Variants in PDE3B observed in about 807,000 individuals in gnomAD.
PDE3B encodes cGMP-inhibited 3',5'-cyclic phosphodiesterase 3B.
A neutral mutation model predicts 116.8 loss-of-function variants in PDE3B; 66 were observed. That is an observed-to-expected ratio of 0.56 (90% confidence interval 0.46 to 0.69). The LOEUF is 0.69. Among genes scored for constraint, PDE3B ranks in the 30% least tolerant of loss-of-function variants. The pLI is 0.00. For synonymous variants in PDE3B, 595 were observed against 533.6 expected, an observed-to-expected ratio of 1.12 and a Z score of -1.59; for missense variants, 1,384 against 1,368.1, an observed-to-expected ratio of 1.01 and a Z score of -0.18.
the PDE3B span, chr11:14,892,333 A>C: frequency 1.1e-6 from 1 of 891,680 alleles, no homozygotes; most frequent in East Asian, 2.6e-5. Flanking sequence ...TGGCTGACTG[A>C]GTGAGCGCTC....
chr11:14,721,406 C>G (rs1385939489), intron 1 of PDE3B, among the ~76,000 whole-genome samples: 1 of 150,842 alleles, frequency 6.6e-6, no homozygotes. Context: ...CCATTTGACC[C>G]AGCCATCCCA....
At chr11:14,760,032 A>G (rs1425040652) in intron 1 of PDE3B, among the ~76,000 whole-genome samples, 1 of 152,214 alleles carries the variant, frequency 6.6e-6, no homozygotes, top group African/African-American at 2.4e-5. Flanking sequence ...CAACCTAAAA[A>G]TAAATTGTGA....
Position 14,789,193 on chromosome 11 carries a change from T to C in PDE3B, c.1366T>C (p.Trp456Arg), listed in dbSNP as rs755453338. Residue 456 changes from tryptophan to arginine, a missense_variant, in exon 4 of 16, where the codon TGG becomes CGG. Physicochemically the swap from Trp to Arg is moderately radical, Grantham distance 101. Around this residue, in one of 2 missense-constraint regions of PDE3B, gnomAD observed 956 missense variants for 806.8 expected, o/e 1.18. Coordinates refer to ENST00000282096, the MANE Select transcript of PDE3B (RefSeq NM_000922.4). The stretch of plus-strand genomic sequence containing the variant: ...GCTACCTGTTGAACAGTCTTCAAGG[T>C]GGGATCGTAATAATGGCAAAAGACC... ...GLLPVEQSSR[W>R]DRNNGKRPHQ... 1 of 1,610,750 alleles carries C rather than the reference T, an allele frequency of 6.2e-7. No individual in the cohort carries two copies. The highest frequency in any genetic ancestry group is 8.5e-7 in the Non-Finnish European group (1 of 1,177,790).
intron 2 of PDE3B, chr11:14,775,239 A>G (rs1857752058): frequency 6.6e-6 from 1 of 152,044 alleles, no homozygotes; most frequent in African/African-American, 2.4e-5. Flanking sequence ...CCTGTTTTTC[A>G]TTGCTTTCTT....
the PDE3B span, chr11:14,880,122 A>G: frequency 6.2e-7 from 1 of 1,612,212 alleles, no homozygotes; most frequent in Non-Finnish European, 8.5e-7. Flanking sequence ...TGAGATCATC[A>G]AGAGAATCCT....
In PDE3B at chr11:14,869,446, T is replaced by G; in HGVS notation, c.3140-15T>G. On this transcript the variant is annotated splice_polypyrimidine_tract_variant and intron_variant, in intron 15 of 15. Coordinates refer to ENST00000282096, the MANE Select transcript of PDE3B (RefSeq NM_000922.4). ...TATTGCTATGATTAGAATATATTTA[T>G]TTTAAATTTCACAGAACCACCAAGA... 1 of 1,600,960 alleles carries G rather than the reference T, an allele frequency of 6.2e-7. No individual in the cohort carries two copies. The highest frequency in any genetic ancestry group is 8.5e-7 in the Non-Finnish European group (1 of 1,173,698).
At chr11:14,843,568 G>A (rs918076676) in intron 11 of PDE3B, among the ~76,000 whole-genome samples, 2 of 152,120 alleles carry the variant, frequency 1.3e-5, no homozygotes, top group Non-Finnish European at 2.9e-5. Context: ...TTATTTGCCT[G>A]AGTAAGCATC....
chr11:14,748,890 C>A (rs1161674072), intron 1 of PDE3B, among the ~76,000 whole-genome samples: 1 of 137,646 alleles, frequency 7.3e-6, no homozygotes. Context: ...TCTTTTCTTT[C>A]TTTTTTTTTT....
At position 14,793,948 on chromosome 11, in the gene PDE3B, A is replaced by G. The variant is rs189947647; in HGVS notation, c.1415+4706A>G. Among the ~76,000 whole-genome samples, 14 of 152,344 alleles carry G rather than the reference A, an allele frequency of 9.2e-5. No individual in the cohort carries two copies. In the East Asian group the frequency reaches 2.5e-3, roughly 27 times the overall value. On this transcript the variant is annotated intron_variant, in intron 4 of 15. Transcript: ENST00000282096. ...TCATCCTACTCAGCTTCTTAAGAGAATAACTCTGTAAATTTAGACATCTAC... is the reference window on the plus strand; with the variant it reads ...TCATCCTACTCAGCTTCTTAAGAGAGTAACTCTGTAAATTTAGACATCTAC...
intron 2 of PDE3B, among the ~76,000 whole-genome samples, chr11:14,782,696 A>T (rs1049038165): frequency 1.3e-5 from 2 of 152,368 alleles, no homozygotes; most frequent in African/African-American, 4.8e-5. Context: ...AGACATAGGC[A>T]TGGGCAAGGA....
chr11:14,745,403 T>TAC (rs940304640), intron 1 of PDE3B, among the ~76,000 whole-genome samples: 145 of 152,184 alleles, frequency 9.5e-4, no homozygotes, highest in African/African-American at 3.2e-3. Flanking sequence ...TTATTATACA[T>TAC]ACACACACAC....
chr11:14,752,045 G>A (rs1857070403), intron 1 of PDE3B, among the ~76,000 whole-genome samples: 1 of 152,154 alleles, frequency 6.6e-6, no homozygotes, highest in African/African-American at 2.4e-5. Context: ...TGGACTGAGG[G>A]ACTGTGACAT....
the PDE3B span, chr11:14,880,097 T>C: frequency 6.2e-7 from 1 of 1,608,598 alleles, no homozygotes; most frequent in Non-Finnish European, 8.5e-7. Flanking sequence ...GAACCCTACA[T>C]GTAAGGATAG....
At chr11:14,843,233 G>C (rs114500015) in intron 11 of PDE3B, among the ~76,000 whole-genome samples, 1 of 152,278 alleles carries the variant, frequency 6.6e-6, no homozygotes, top group African/African-American at 2.4e-5. Context: ...TGACTGAGAT[G>C]TTCCCCAGTT....
chr11:14,669,820 A>C (rs1240639244), intron 1 of PDE3B, among the ~76,000 whole-genome samples: 1 of 152,168 alleles, frequency 6.6e-6, no homozygotes, highest in Non-Finnish European at 1.5e-5. Flanking sequence ...AGGGTAGAGG[A>C]GTATTGAAAT....
At chr11:14,728,986 T>A (rs1250301192) in intron 1 of PDE3B, among the ~76,000 whole-genome samples, 3 of 152,140 alleles carry the variant, frequency 2.0e-5, no homozygotes, top group Non-Finnish European at 4.4e-5. Flanking sequence ...ACCATGCTCA[T>A]TGATGCATTG....
At chr11:14,822,074 A>AT (rs1565152469) in intron 7 of PDE3B, among the ~76,000 whole-genome samples, 1 of 151,394 alleles carries the variant, frequency 6.6e-6, no homozygotes, top group East Asian at 1.9e-4. Flanking sequence ...AATTAAAAAA[A>AT]TTTTTTTTTG....
intron 1 of PDE3B, among the ~76,000 whole-genome samples, chr11:14,664,090 CTA>C (rs1279051640): frequency 6.6e-6 from 1 of 152,172 alleles, no homozygotes; most frequent in Non-Finnish European, 1.5e-5. Flanking sequence ...TGCAATCAAA[CTA>C]GAGCTCAGGA....
chr11:14,851,274 T>C (rs1204121162), intron 12 of PDE3B, among the ~76,000 whole-genome samples: 3 of 152,176 alleles, frequency 2.0e-5, no homozygotes, highest in East Asian at 1.9e-4. Flanking sequence ...TCAGTGATAG[T>C]TGCTGAATTC....
Sources: allele counts gnomAD v4.1 joint callset (sites outside exome capture counted in the v4.1 genomes callset), GRCh38; gene constraint gnomAD v4.1.1; regional missense constraint gnomAD v4.1.1; transcripts MANE v1.5; gene names NCBI Gene and HGNC (gene_info 2026-07-23, HGNC 2026-07-21).